KIF26B: variants seen among roughly 807,000 people sequenced by gnomAD.
The protein encoded by KIF26B is kinesin-like protein KIF26B.
A neutral mutation model predicts 151.2 loss-of-function variants in KIF26B; 63 were observed. The ratio of observed to expected loss-of-function variants is 0.42; its 90% CI spans 0.34 to 0.51. The LOEUF (loss-of-function observed/expected upper bound fraction) is 0.51. KIF26B is among the 20% of genes least tolerant of loss of function. KIF26B has a pLI of 0.07. For synonymous variants in KIF26B, 1,357 were observed against 1,262.1 expected (o/e 1.08, Z -1.59); for missense variants, 2,813 against 2,913.6 (o/e 0.97, Z 0.79).
rs536511300 is a variant in KIF26B, at chr1:245,488,419, C to G, written c.1167-52348C>G. Among the ~76,000 whole-genome samples the G allele has an allele frequency of 3.3e-5, 5 of 152,258 alleles. No homozygotes were observed. The South Asian group carries it at 8.3e-4, about 25-fold the overall frequency. ...TGCTCTCTGAAAACTCTACCCAGAT[C>G]GTACACTCCTTGCTGGGTAGGATTG... On this transcript the variant is annotated intron_variant, in intron 4 of 14. Transcript: ENST00000407071. The surrounding 1 kb of genome is among the most constrained non-coding windows in gnomAD (Gnocchi z 4.6).
At chr1:245,505,092 C>G (rs1231233470) in intron 4 of KIF26B, among the ~76,000 whole-genome samples, 2 of 152,120 alleles carry the variant, frequency 1.3e-5, no homozygotes, top group East Asian at 3.9e-4. Flanking sequence ...GCACGTGCCA[C>G]CATGCCTGGC....
intron 2 of KIF26B, among the ~76,000 whole-genome samples, chr1:245,196,412 A>G (rs1446728682): frequency 3.3e-5 from 5 of 152,164 alleles, no homozygotes; most frequent in Non-Finnish European, 7.3e-5. Flanking sequence ...CACAGCTCTT[A>G]TGATATCACT....
At chr1:245,665,373 A>G (rs922636816) in intron 10 of KIF26B, among the ~76,000 whole-genome samples, 2 of 152,210 alleles carry the variant, frequency 1.3e-5, no homozygotes, top group Admixed American at 6.5e-5. Flanking sequence ...CTCATGAAGT[A>G]TGTTTTAAAG....
intron 4 of KIF26B, among the ~76,000 whole-genome samples, chr1:245,505,377 T>C (rs1023997409): frequency 1.3e-5 from 2 of 151,294 alleles, no homozygotes; most frequent in Non-Finnish European, 2.9e-5. Flanking sequence ...ATGTAAAGAA[T>C]TTATTTATTC....
At chr1:245,456,975 C>T (rs1210017440) in intron 4 of KIF26B, among the ~76,000 whole-genome samples, 5 of 152,194 alleles carry the variant, frequency 3.3e-5, no homozygotes, top group Non-Finnish European at 7.3e-5. Context: ...AAGCGATTCT[C>T]CTGCCTCAGC....
rs1228075887 is a variant in KIF26B, at chr1:245,703,540, C to T, written c.*934C>T. 1.3e-5 allele frequency: 2 copies of T among 152,226 alleles called. No individual in the cohort carries two copies. Among genetic ancestry groups the T allele is most frequent in the South Asian group, 2.1e-4 (1 of 4,828 alleles). 9.4% of individuals were successfully genotyped at this position (152,226 alleles called of 1,614,324 possible). A position where few individuals can be genotyped will look rare whatever the true frequency, so the allele number is the denominator to read the frequency against. On this transcript the variant is annotated 3_prime_UTR_variant, in exon 15 of 15. Coordinates refer to ENST00000407071, the MANE Select transcript of KIF26B (RefSeq NM_018012.4). The stretch of plus-strand genomic sequence containing the variant: ...CCGTTTGCCCCCCTCAAGTCCTCCA[C>T]ACATGTGGTTCCTTGACCCACAAAT...
chr1:245,703,881 T>C lies in KIF26B; in HGVS notation c.*1275T>C, dbSNP rs1021460212. 2 of 152,204 alleles carry C rather than the reference T, an allele frequency of 1.3e-5. No individual in the cohort carries two copies. The highest frequency in any genetic ancestry group is 1.3e-4 in the Admixed American group (2 of 15,278). 9.4% of individuals were successfully genotyped at this position (152,204 alleles called of 1,614,324 possible). On this transcript the variant is annotated 3_prime_UTR_variant, in exon 15 of 15. Coordinates refer to ENST00000407071, the MANE Select transcript of KIF26B (RefSeq NM_018012.4). Reference sequence around the variant, plus strand: ...GGGACAGGCTTGTCCTCTCAGTCTTTGCTCCTGCCCAAAGGCAGAGAGAGC... The same window carrying C: ...GGGACAGGCTTGTCCTCTCAGTCTTCGCTCCTGCCCAAAGGCAGAGAGAGC...
rs2044831395 is a variant in KIF26B at position 245,705,666 on chromosome 1, G to A, written c.*3060G>A. 1 of 152,222 alleles carries A rather than the reference G, an allele frequency of 6.6e-6. No individual in the cohort carries two copies. Among genetic ancestry groups the A allele is most frequent in the African/African-American group, 2.4e-5 (1 of 41,446 alleles). The allele number at this position is 152,222 out of a possible 1,614,324, so 9.4% of individuals were successfully genotyped here. On this transcript the variant is annotated 3_prime_UTR_variant, in exon 15 of 15. Transcript: ENST00000407071. ...TGTGAACCTGTCCTCCTCACCCCCT[G>A]CTCCAAATATGTGAGGTGGAAGCAT...
At chr1:245,362,395 G>A (rs1055584939) in intron 2 of KIF26B, among the ~76,000 whole-genome samples, 9 of 150,996 alleles carry the variant, frequency 6.0e-5, no homozygotes, top group Non-Finnish European at 1.0e-4. Flanking sequence ...AAAATTAGCC[G>A]GGTGTGGTTG....
intron 2 of KIF26B, among the ~76,000 whole-genome samples, chr1:245,222,509 ACT>A (rs1669795319): frequency 6.6e-6 from 1 of 152,170 alleles, no homozygotes; most frequent in Non-Finnish European, 1.5e-5. Flanking sequence ...AGAAAATGAA[ACT>A]CTGAAAGAAC....
intron 10 of KIF26B, among the ~76,000 whole-genome samples, chr1:245,658,371 A>C (rs924834986): frequency 1.3e-5 from 2 of 152,190 alleles, no homozygotes; most frequent in African/African-American, 4.8e-5. Context: ...TTCCTCCATT[A>C]ATCATTTAAT....
At chr1:245,651,567 T>A (rs1301145823) in intron 10 of KIF26B, among the ~76,000 whole-genome samples, 1 of 152,196 alleles carries the variant, frequency 6.6e-6, no homozygotes, top group African/African-American at 2.4e-5. Flanking sequence ...TCAAGATTGC[T>A]GTTAGCTAGA....
chr1:245,475,708 C>T (rs1660021686), intron 4 of KIF26B, among the ~76,000 whole-genome samples: 1 of 151,782 alleles, frequency 6.6e-6, no homozygotes, highest in Non-Finnish European at 1.5e-5. Flanking sequence ...CACTTCAAAC[C>T]GTCTGGGATG....
intron 4 of KIF26B, among the ~76,000 whole-genome samples, chr1:245,510,601 TCTCTC>T (rs1660812203): frequency 6.6e-6 from 1 of 151,312 alleles, no homozygotes. Context: ...TCTCTCTCTC[TCTCTC>T]TCTCTCTCTT....
intron 12 of KIF26B, among the ~76,000 whole-genome samples, chr1:245,689,379 A>G (rs1299072308): frequency 6.6e-6 from 1 of 152,104 alleles, no homozygotes; most frequent in Non-Finnish European, 1.5e-5. Flanking sequence ...TCTCTCAGGG[A>G]TGTGGGATAA....
rs527529613 is a variant in KIF26B at position 245,521,946 on chromosome 1, T to A, written c.1167-18821T>A. On this transcript the variant is annotated intron_variant, in intron 4 of 14. Transcript: ENST00000407071. ...GTGCAGTGGTGCGATCTCGGCTCAC[T>A]GCAAGCTCTGCCTCCCGTGTTCACG... 1.5e-3 allele frequency among the ~76,000 whole-genome samples: 234 copies of A among 151,136 alleles called. 1 individual carries two copies. Among genetic ancestry groups the A allele is most frequent in the Non-Finnish European group, 2.4e-3 (160 of 67,556 alleles).
Position 245,446,064 on chromosome 1 carries a change from G to T in KIF26B, c.1166+26319G>T, listed in dbSNP as rs140897743. Among the ~76,000 whole-genome samples, 140 of 152,238 alleles carry T rather than the reference G, an allele frequency of 9.2e-4. 1 individual carries two copies. In the South Asian group the frequency reaches 0.012, roughly 13 times the overall value. On this transcript the variant is annotated intron_variant, in intron 4 of 14. Transcript: ENST00000407071. ...CATTGTTAGGTGATTCTGTCATTGT[G>T]CGAACATCATAGAGTGCACTTAACA...
At chr1:245,598,369 T>G (rs2043356164) in intron 5 of KIF26B, among the ~76,000 whole-genome samples, 1 of 152,208 alleles carries the variant, frequency 6.6e-6, no homozygotes. Flanking sequence ...TGCTGAGGGA[T>G]CCTTCCAGTG....
intron 4 of KIF26B, among the ~76,000 whole-genome samples, chr1:245,470,462 A>G (rs925081273): frequency 8.6e-5 from 13 of 151,146 alleles, no homozygotes; most frequent in East Asian, 5.9e-4. Context: ...ATGGAGTCTC[A>G]CTCTGTCGCC....
Sources: gnomAD v4.1 joint callset for allele counts (sites outside exome capture counted in the v4.1 genomes callset) on GRCh38, gnomAD v4.1.1 for gene constraint, Gnocchi (gnomAD v3.1) non-coding constraint, MANE v1.5 for transcripts, NCBI Gene and HGNC (gene_info 2026-07-23, HGNC 2026-07-21) for gene names.